ARHGEF4: variants seen among roughly 807,000 people sequenced by gnomAD.
ARHGEF4 encodes Rho guanine nucleotide exchange factor 4, also known as APC-stimulated guanine nucleotide exchange factor 1.
A neutral mutation model predicts 162.0 loss-of-function variants in ARHGEF4; 119 were observed. That is an observed-to-expected ratio of 0.73 (90% CI 0.63 to 0.86). The LOEUF (loss-of-function observed/expected upper bound fraction) is 0.86. Ranked by LOEUF, ARHGEF4 falls within the 40% of genes least tolerant of loss-of-function variation. The probability of loss-of-function intolerance (pLI) is 0.00; values close to 1 mark genes in which losing one functional copy is unlikely to be tolerated. For synonymous variants in ARHGEF4, 1,014 were observed against 979.9 expected (o/e 1.03, Z -0.65); for missense variants, 2,488 against 2,456.0 (o/e 1.01, Z -0.28).
chr2:130,900,130 T>C (rs1203249482), intron 1 of ARHGEF4, among the ~76,000 whole-genome samples: 1 of 152,184 alleles, frequency 6.6e-6, no homozygotes, highest in Non-Finnish European at 1.5e-5. Context: ...GAGGTTTGTT[T>C]TGTGACCCAG....
At chr2:130,871,454 T>A (rs1401184562) in intron 1 of ARHGEF4, among the ~76,000 whole-genome samples, 2 of 151,904 alleles carry the variant, frequency 1.3e-5, no homozygotes, top group East Asian at 3.9e-4. Context: ...GAGAATTGCT[T>A]GAACCCGGGA....
intron 1 of ARHGEF4, among the ~76,000 whole-genome samples, chr2:130,878,916 C>G (rs1456609487): frequency 6.6e-6 from 1 of 152,190 alleles, no homozygotes; most frequent in Non-Finnish European, 1.5e-5. Flanking sequence ...TTTTGGGCAT[C>G]ATGGGGACAC....
At chr2:130,868,987 T>A (rs549183777) in intron 1 of ARHGEF4, among the ~76,000 whole-genome samples, 1 of 152,350 alleles carries the variant, frequency 6.6e-6, no homozygotes, top group Non-Finnish European at 1.5e-5. Flanking sequence ...ACCACCTGGA[T>A]AATCTGGGTT....
rs532759522 is a variant in ARHGEF4 at position 130,837,450 on chromosome 2, T to C, written c.39+458T>C. 3.7e-5 allele frequency: 12 copies of C among 327,988 alleles called. No homozygotes were observed. In the East Asian group the frequency reaches 1.5e-3, roughly 41 times the overall value. 20.3% of individuals were successfully genotyped at this position (327,988 alleles called of 1,614,324 possible). A position where few individuals can be genotyped will look rare whatever the true frequency, so the allele number is the denominator to read the frequency against. ...GTGGGTACGGGAGAAGTGGTTGCTG[T>C]TGTTATTCCCCAGGCTGAGAGTACG... On this transcript the variant is annotated intron_variant, in intron 1 of 13. Transcript: ENST00000409359.
intron 4 of ARHGEF4, among the ~76,000 whole-genome samples, chr2:130,956,414 A>C (rs982886346): frequency 2.0e-5 from 3 of 151,240 alleles, no homozygotes; most frequent in Non-Finnish European, 2.9e-5. Flanking sequence ...CAGTGTGGCG[A>C]CTCCTCAGGG....
intron 4 of ARHGEF4, among the ~76,000 whole-genome samples, chr2:130,995,618 ATAT>A (rs774609958): frequency 9.9e-5 from 15 of 152,190 alleles, no homozygotes; most frequent in East Asian, 1.9e-4. Flanking sequence ...GCTTATGATG[ATAT>A]TATCTTTCTC....
chr2:130,909,440 C>G (rs2403237), intron 1 of ARHGEF4, among the ~76,000 whole-genome samples: 7,123 of 152,134 alleles, frequency 0.047, 210 homozygotes, highest in East Asian at 0.1. Context: ...CCGCATGGTT[C>G]CATTTATATG....
At chr2:130,975,084 G>A (rs1006099835) in intron 4 of ARHGEF4, among the ~76,000 whole-genome samples, 2 of 152,144 alleles carry the variant, frequency 1.3e-5, no homozygotes, top group African/African-American at 4.8e-5. Context: ...TTGGGTACAT[G>A]GACGGATGGA....
Position 130,836,933 on chromosome 2 carries a change from C to T in ARHGEF4, c.-21C>T. Reference sequence around the variant, plus strand: ...CGGCTCGTAGTGCTGCGGCCGGGCTCCGGGCGTCCCGGCGGCCACCATGCT... The same window carrying T: ...CGGCTCGTAGTGCTGCGGCCGGGCTTCGGGCGTCCCGGCGGCCACCATGCT... On this transcript the variant is annotated 5_prime_UTR_variant, in exon 1 of 14. Transcript: ENST00000409359. The T allele has an allele frequency of 2.5e-6, 3 of 1,222,132 alleles. No individual in the cohort carries two copies. Among genetic ancestry groups the T allele is most frequent in the South Asian group, 4.1e-5 (1 of 24,180 alleles). 75.7% of individuals were successfully genotyped at this position (1,222,132 alleles called of 1,614,324 possible). A position where few individuals can be genotyped will look rare whatever the true frequency, so the allele number is the denominator to read the frequency against.
chr2:130,961,053 C>A (rs1421652661), intron 4 of ARHGEF4, among the ~76,000 whole-genome samples: 1 of 152,190 alleles, frequency 6.6e-6, no homozygotes, highest in East Asian at 1.9e-4. Context: ...GGCATGGCAC[C>A]CTCCACTTAG....
At chr2:130,856,738 G>A (rs182981788) in intron 1 of ARHGEF4, among the ~76,000 whole-genome samples, 1 of 152,226 alleles carries the variant, frequency 6.6e-6, no homozygotes, top group African/African-American at 2.4e-5. Context: ...CACCAACATG[G>A]CGCATGTATA....
At position 131,040,323 on chromosome 2, in the gene ARHGEF4, C is replaced by T. The variant is rs755900151; in HGVS notation, c.4545C>T (p.Ile1515=). The change falls in exon 8 of 14, where the codon ATC becomes ATT. Residue 1515 remains isoleucine, a synonymous_variant. Transcript: ENST00000409359. The part of the protein sequence containing the change: ...DMFSEEQLRT[I]FGNIEDIYRC... ...TCAGCGAGGAGCAGCTGCGTACCAT[C>T]TTCGGGAACATCGAGGACATCTACC... 6 of 1,612,836 alleles carry T rather than the reference C, an allele frequency of 3.7e-6. No homozygotes were observed. The highest frequency in any genetic ancestry group is 2.2e-5 in the East Asian group (1 of 44,876).
chr2:130,875,944 G>A (rs538225322), intron 1 of ARHGEF4, among the ~76,000 whole-genome samples: 71 of 152,252 alleles, frequency 4.7e-4, no homozygotes, highest in African/African-American at 1.5e-3. Context: ...TTTAACTTCA[G>A]CCCATTCTTC....
Position 130,914,608 on chromosome 2 carries a change from A to C in ARHGEF4, c.662A>C (p.Tyr221Ser). 7.2e-7 allele frequency: 1 copy of C among 1,393,174 alleles called. No homozygotes were observed. 86.3% of individuals were successfully genotyped at this position (1,393,174 alleles called of 1,614,324 possible). A position where few individuals can be genotyped will look rare whatever the true frequency, so the allele number is the denominator to read the frequency against. The stretch of plus-strand genomic sequence containing the variant: ...CTTCAGAAATCCAGGTCTGAGAGCT[A>C]TCTGGGCATCCCAGTGGTCTGGCCC... Reference protein sequence around the residue: ...VSLQKSRSESYLGIPVVWPFL... With the variant: ...VSLQKSRSESSLGIPVVWPFL... The change falls in exon 2 of 14, where the codon TAT (tyrosine) becomes TCT (serine). Residue 221 changes from tyrosine to serine, a missense_variant. Tyr to Ser is a moderately radical substitution (Grantham distance 144, BLOSUM62 -2). Coordinates refer to ENST00000409359, the MANE Select transcript of ARHGEF4 (RefSeq NM_001367493.1).
chr2:130,994,142 T>A (rs1558823157), intron 4 of ARHGEF4, among the ~76,000 whole-genome samples: 2 of 152,222 alleles, frequency 1.3e-5, no homozygotes, highest in Non-Finnish European at 2.9e-5. Context: ...AGTGAGTGAA[T>A]TTTTTAATCC....
chr2:130,903,074 T>C (rs1371553409), intron 1 of ARHGEF4, among the ~76,000 whole-genome samples: 4 of 151,962 alleles, frequency 2.6e-5, no homozygotes, highest in Non-Finnish European at 5.9e-5. Flanking sequence ...TATTATAGTT[T>C]GCAGTTATAA....
intron 4 of ARHGEF4, among the ~76,000 whole-genome samples, chr2:131,002,043 G>C (rs1687802919): frequency 6.6e-6 from 1 of 152,068 alleles, no homozygotes; most frequent in Non-Finnish European, 1.5e-5. Flanking sequence ...TCTATTTTCT[G>C]TACTTTTTTG....
At chr2:130,921,512 T>G (rs1269191056) in intron 2 of ARHGEF4, among the ~76,000 whole-genome samples, 1 of 152,178 alleles carries the variant, frequency 6.6e-6, no homozygotes, top group Non-Finnish European at 1.5e-5. Context: ...TCAAATTATT[T>G]TTCCAAAGTG....
intron 4 of ARHGEF4, among the ~76,000 whole-genome samples, chr2:131,017,367 C>A (rs1688836680): frequency 6.6e-6 from 1 of 152,174 alleles, no homozygotes; most frequent in South Asian, 2.1e-4. Flanking sequence ...GCCTGCTCAA[C>A]CTTCCGTTCA....
Sources: gnomAD v4.1 joint callset for allele counts (sites outside exome capture counted in the v4.1 genomes callset) on GRCh38, gnomAD v4.1.1 for gene constraint, MANE v1.5 for transcripts, NCBI Gene and HGNC (gene_info 2026-07-23, HGNC 2026-07-21) for gene names.